Variants in ZBTB20 observed in about 807,000 individuals in gnomAD.
The protein encoded by ZBTB20 is zinc finger and BTB domain-containing protein 20.
In ZBTB20, 9 loss-of-function variants were observed where a neutral mutation model predicts 56.9. The observed-to-expected ratio is 0.16, with a 90% CI of 0.10 to 0.28. The LOEUF (loss-of-function observed/expected upper bound fraction) is 0.28, where lower values mean the gene tolerates loss of function less well. Among genes scored for constraint, ZBTB20 ranks in the 10% least tolerant of loss-of-function variants. The pLI is 1.00. For synonymous variants in ZBTB20, 417 were observed against 420.7 expected (o/e 0.99, Z 0.11); for missense variants, 655 against 1,003.0 (o/e 0.65, Z 4.69).
chr3:115,071,142 GA>G (rs2108510580), intron 2 of ZBTB20, 76 bp downstream of exon 2: 1 of 152,226 alleles, frequency 6.6e-6, no homozygotes, highest in East Asian at 1.9e-4. Flanking sequence ...TTTGGACAGA[GA>G]ATTTCAGAGT....
rs1235088556 is a variant in ZBTB20 at position 114,389,034 on chromosome 3, T to C, written c.-183A>G. The C allele has an allele frequency of 6.6e-6, 1 of 152,228 alleles. No individual in the cohort carries two copies. The highest frequency in any genetic ancestry group is 1.5e-5 in the Non-Finnish European group (1 of 68,050). The allele number at this position is 152,228 out of a possible 1,614,324, so 9.4% of individuals were successfully genotyped here. A position where few individuals can be genotyped will look rare whatever the true frequency, so the allele number is the denominator to read the frequency against. ...GTTTCAAAATCAATGGTGTCACTCT[T>C]CAGGTAAATTACTCCAAGGCTTGGG... is the stretch of plus-strand genomic sequence containing the variant. On this transcript the variant is annotated 5_prime_UTR_variant, in exon 8 of 12. Coordinates refer to ENST00000675478, the MANE Select transcript of ZBTB20 (RefSeq NM_001348800.3).
chr3:114,445,020 A>G (rs2108989536), intron 7 of ZBTB20, among the ~76,000 whole-genome samples: 1 of 152,288 alleles, frequency 6.6e-6, no homozygotes, highest in South Asian at 2.1e-4. Context: ...AGCCCCTTCA[A>G]GCTCCAAGAT....
At chr3:114,425,123 A>G (rs1012664758) in intron 7 of ZBTB20, among the ~76,000 whole-genome samples, 6 of 134,648 alleles carry the variant, frequency 4.5e-5, no homozygotes, top group Admixed American at 3.4e-4. Context: ...GAAATTTGAA[A>G]AACCATTAAT....
intron 6 of ZBTB20, among the ~76,000 whole-genome samples, chr3:114,542,501 T>G (rs1194381619): frequency 6.6e-6 from 1 of 152,160 alleles, no homozygotes; most frequent in East Asian, 1.9e-4. Flanking sequence ...AAGGCAGGAT[T>G]ATCCTCATTT....
chr3:114,573,945 A>C (rs114307338), intron 6 of ZBTB20, among the ~76,000 whole-genome samples: 117 of 152,300 alleles, frequency 7.7e-4, no homozygotes, highest in African/African-American at 2.7e-3. Flanking sequence ...ATACAGAGAT[A>C]ACTCCTCTTT....
rs147600842 is a variant in ZBTB20, at chr3:114,350,597, G to C, written c.1481C>G (p.Thr494Ser). 6 of 1,614,058 alleles carry C rather than the reference G, an allele frequency of 3.7e-6. No individual in the cohort carries two copies. The African/African-American group carries it at 4.0e-5, about 11-fold the overall frequency. The change falls in exon 11 of 12, where the codon ACC becomes AGC. Residue 494 changes from threonine to serine, a missense_variant. Physicochemically the swap from Thr to Ser is moderately conservative, Grantham distance 58. Coordinates refer to ENST00000675478, the MANE Select transcript of ZBTB20 (RefSeq NM_001348800.3). ...TSNLRMPLTL[T>S]SNTQVIGTAG... is the part of the protein sequence containing the mutation. ...TGTGCCAATGACCTGCGTGTTGCTG[G>C]TCAAGGTCAGAGGCATCCTCAGGTT...
intron 5 of ZBTB20, among the ~76,000 whole-genome samples, chr3:114,778,045 T>A (rs1365213602): frequency 7.9e-6 from 1 of 126,228 alleles, no homozygotes; most frequent in African/African-American, 3.0e-5. Flanking sequence ...AATTGAACAA[T>A]GAGAACACAT....
intron 4 of ZBTB20, among the ~76,000 whole-genome samples, chr3:114,899,438 A>G (rs1326096248): frequency 6.6e-6 from 1 of 151,368 alleles, no homozygotes; most frequent in Non-Finnish European, 1.5e-5. Flanking sequence ...AAAAATTATT[A>G]TCAACCCAGT....
intron 2 of ZBTB20, among the ~76,000 whole-genome samples, chr3:115,031,470 TACC>T (rs1454092588): frequency 1.3e-5 from 2 of 151,502 alleles, no homozygotes; most frequent in African/African-American, 2.4e-5. Context: ...AATGTCAATT[TACC>T]ACCACATTGC....
At chr3:114,576,092 C>G (rs566269868) in intron 6 of ZBTB20, among the ~76,000 whole-genome samples, 104 of 152,254 alleles carry the variant, frequency 6.8e-4, no homozygotes, top group Middle Eastern at 3.4e-3. Flanking sequence ...AACACTCAAC[C>G]AATATTTATT....
At chr3:114,649,668 C>A (rs1169532061) in intron 6 of ZBTB20, among the ~76,000 whole-genome samples, 1 of 151,806 alleles carries the variant, frequency 6.6e-6, no homozygotes, top group Non-Finnish European at 1.5e-5. Flanking sequence ...AGAAAAAAAA[C>A]AAATTCTAAT....
At chr3:114,679,933 A>T (rs954605046) in intron 6 of ZBTB20, among the ~76,000 whole-genome samples, 1 of 152,234 alleles carries the variant, frequency 6.6e-6, no homozygotes, top group Non-Finnish European at 1.5e-5. Context: ...TAGCACATAT[A>T]CACATGGAAT....
At chr3:114,718,117 GC>G (rs1161787110) in intron 5 of ZBTB20, among the ~76,000 whole-genome samples, 1 of 152,050 alleles carries the variant, frequency 6.6e-6, no homozygotes, top group Non-Finnish European at 1.5e-5. Context: ...TTGGCTTGAA[GC>G]TTTTTTATTC....
At chr3:114,654,075 T>A (rs577301077) in intron 6 of ZBTB20, among the ~76,000 whole-genome samples, 6 of 152,012 alleles carry the variant, frequency 3.9e-5, no homozygotes, top group African/African-American at 1.2e-4. Context: ...CTTTCATTAA[T>A]CTTCTTTGTA....
intron 3 of ZBTB20, among the ~76,000 whole-genome samples, chr3:114,953,145 T>C (rs1011279664): frequency 4.6e-5 from 7 of 152,002 alleles, no homozygotes; most frequent in Admixed American, 3.9e-4. Context: ...GTCTAAAATA[T>C]TGATTCTAAG....
chr3:114,913,066 T>C (rs942782377), intron 3 of ZBTB20, among the ~76,000 whole-genome samples: 1 of 152,074 alleles, frequency 6.6e-6, no homozygotes, highest in Admixed American at 6.6e-5. Flanking sequence ...ATATCTTCAA[T>C]ATACTGATTT....
intron 2 of ZBTB20, among the ~76,000 whole-genome samples, chr3:115,006,460 G>GATATATATATAT (rs142153634): frequency 2.1e-5 from 3 of 144,380 alleles, no homozygotes; most frequent in African/African-American, 5.1e-5. Flanking sequence ...TATCCAGTTG[G>GATATATATATAT]ATATATATAT....
At chr3:114,550,616 T>C (rs1386875962) in intron 6 of ZBTB20, among the ~76,000 whole-genome samples, 1 of 152,212 alleles carries the variant, frequency 6.6e-6, no homozygotes, top group Non-Finnish European at 1.5e-5. Context: ...AAGATTCTCA[T>C]TTACTTTTTA....
At chr3:114,701,015 T>TC (rs2063358174) in intron 5 of ZBTB20, among the ~76,000 whole-genome samples, 1 of 152,158 alleles carries the variant, frequency 6.6e-6, no homozygotes, top group Admixed American at 6.6e-5. Flanking sequence ...TTCTGACCCT[T>TC]CCCCTACAAA....
Sources: allele counts gnomAD v4.1 joint callset (sites outside exome capture counted in the v4.1 genomes callset), GRCh38; gene constraint gnomAD v4.1.1; transcripts MANE v1.5; gene names NCBI Gene and HGNC (gene_info 2026-07-23, HGNC 2026-07-21).